Variants in GPR55 observed in about 807,000 individuals in gnomAD.
GPR55 encodes the protein G protein-coupled receptor 55.
Under a neutral mutation model 7.9 loss-of-function variants are expected in GPR55, and 6 were observed. The observed-to-expected ratio is 0.76, with a 90% CI of 0.41 to 1.49. The LOEUF is 1.49. Among genes scored for constraint, GPR55 ranks in the 40% most tolerant of loss-of-function variants. The pLI, the probability that GPR55 is intolerant of heterozygous loss-of-function variation, is 0.01. For missense variants in GPR55, 376 were observed against 406.0 expected (o/e 0.93, Z 0.63); for synonymous variants, 183 against 166.8 (o/e 1.10, Z -0.75).
chr2:230,947,810 C>G (rs1403549696), intron 1 of GPR55, among the ~76,000 whole-genome samples: 2 of 152,104 alleles, frequency 1.3e-5, no homozygotes, highest in Admixed American at 6.5e-5. Context: ...CCTTTTAGTG[C>G]TATTTTTTAA....
In GPR55 at chr2:230,910,890, C is replaced by T. The variant is rs969610267; in HGVS notation, c.73G>A (p.Ala25Thr). Residue 25 changes from alanine to threonine, a missense_variant, in exon 2 of 2, where the codon GCA becomes ACA. Physicochemically the swap from Ala to Thr is moderately conservative, Grantham distance 58. Transcript: ENST00000650999. This position sits in a 1 kb window ranked among gnomAD's most constrained non-coding sequence, Gnocchi z 5.4. ...VNELMKTLQFAVHIPTFVLGL... is the reference protein window; with the variant it reads ...VNELMKTLQFTVHIPTFVLGL... ...AGGACGAAGGTGGGGATGTGGACTG[C>T]AAACTGTAGGGTTTTCATCAGCTCG... 16 of 1,614,064 alleles carry T rather than the reference C, an allele frequency of 9.9e-6. No individual in the cohort carries two copies. Among genetic ancestry groups the T allele is most frequent in the East Asian group, 2.2e-5 (1 of 44,870 alleles).
chr2:230,958,896 T>C lies in GPR55; in HGVS notation c.-135+1879A>G, dbSNP rs1195785895. 1.3e-5 allele frequency among the ~76,000 whole-genome samples: 2 copies of C among 152,216 alleles called. 1 individual carries two copies. The highest frequency in any genetic ancestry group is 4.8e-5 in the African/African-American group (2 of 41,448). ...GATAATCTATTTCTATCATTCTTTC[T>C]ATCTTTATTAGCCGGCATTCTTCCA... On this transcript the variant is annotated intron_variant, in intron 1 of 1. Coordinates refer to the GPR55 transcript ENST00000392039.
At position 230,953,872 on chromosome 2, in the gene GPR55, G is replaced by A. The variant is rs7585002; in HGVS notation, c.-135+6903C>T. The stretch of plus-strand genomic sequence containing the variant: ...CATGAGTAGGTGTGAGTCTGCACAC[G>A]GCCAGGAGATGAAGGCTGGCAGTCC... On this transcript the variant is annotated intron_variant, in intron 1 of 1. Transcript: ENST00000392039. Among the ~76,000 whole-genome samples the A allele has an allele frequency of 7.2e-3, 1,091 of 152,242 alleles. 16 individuals are homozygous for A. Among genetic ancestry groups the A allele is most frequent in the African/African-American group, 0.025 (1,043 of 41,538 alleles).
At chr2:230,940,339 A>G (rs972392071) in intron 1 of GPR55, among the ~76,000 whole-genome samples, 1 of 152,100 alleles carries the variant, frequency 6.6e-6, no homozygotes, top group African/African-American at 2.4e-5. Context: ...CGTTCTCTTC[A>G]TAATCATCTG....
At position 230,910,124 on chromosome 2, in the gene GPR55, T is replaced by C. The variant is rs138382837; in HGVS notation, c.839A>G (p.Asn280Ser). The C allele has an allele frequency of 1.9e-6, 3 of 1,614,138 alleles. No individual in the cohort carries two copies. The East Asian group carries it at 6.7e-5, about 36-fold the overall frequency. ...GTAGCAGAAAACATCCAGGCAGCAG[T>C]TGACGTTGGAGAAACACATGGACAA... Reference protein sequence around the residue: ...LQLSMCFSNVNCCLDVFCYYF... With the variant: ...LQLSMCFSNVSCCLDVFCYYF... Residue 280 changes from asparagine to serine, a missense_variant, in exon 2 of 2, where the codon AAC becomes AGC. Transcript: ENST00000650999. The surrounding 1 kb of genome is among the most constrained non-coding windows in gnomAD (Gnocchi z 5.4).
At chr2:230,956,070 A>T (rs1024244249) in intron 1 of GPR55, among the ~76,000 whole-genome samples, 6 of 152,170 alleles carry the variant, frequency 3.9e-5, no homozygotes, top group Non-Finnish European at 8.8e-5. Context: ...TCTCCTTAGG[A>T]GAATCCCAAT....
intron 1 of GPR55, among the ~76,000 whole-genome samples, chr2:230,914,181 G>A (rs1351270469): frequency 1.3e-5 from 2 of 152,198 alleles, no homozygotes; most frequent in Non-Finnish European, 2.9e-5. Context: ...GGGAACAAAC[G>A]AATAACAACG....
In GPR55 at chr2:230,960,399, G is replaced by A. The variant is rs139746531; in HGVS notation, c.-135+376C>T. ...AAAGGGAAGGCAGAATCATAGACCT[G>A]AAAGCCAGTACTCTGAGTTTTTATG... On this transcript the variant is annotated intron_variant, in intron 1 of 1. Transcript: ENST00000392039. 3.6e-3 allele frequency among the ~76,000 whole-genome samples: 548 copies of A among 152,258 alleles called. 1 individual carries two copies. Among genetic ancestry groups the A allele is most frequent in the African/African-American group, 0.013 (525 of 41,548 alleles).
In GPR55 at chr2:230,910,091, A is replaced by T. The variant is rs771208284; in HGVS notation, c.872T>A (p.Val291Asp). The T allele has an allele frequency of 6.2e-7, 1 of 1,614,162 alleles. No individual in the cohort carries two copies. The highest frequency in any genetic ancestry group is 8.5e-7 in the Non-Finnish European group (1 of 1,179,996). The part of the protein sequence containing the change: ...CCLDVFCYYF[V>D]IKEFRMNIRA... ...GATGTTCATGCGGAATTCTTTGATG[A>T]CAAAGTAGTAGCAGAAAACATCCAG... Residue 291 changes from valine (V) to aspartate (D), a missense_variant, in exon 2 of 2, where the codon GTC becomes GAC. Transcript: ENST00000650999. The surrounding 1 kb of genome is among the most constrained non-coding windows in gnomAD (Gnocchi z 5.4).
intron 1 of GPR55, among the ~76,000 whole-genome samples, chr2:230,922,658 C>T (rs1395953960): frequency 1.3e-5 from 2 of 151,658 alleles, no homozygotes; most frequent in Non-Finnish European, 2.9e-5. Flanking sequence ...TCACTGCAAC[C>T]TCTGCCTCCC....
chr2:230,935,173 C>T (rs928152260), intron 1 of GPR55, among the ~76,000 whole-genome samples: 4 of 152,084 alleles, frequency 2.6e-5, no homozygotes, highest in Non-Finnish European at 4.4e-5. Context: ...AGGCTCCTGG[C>T]GCTGTGGTCA....
At chr2:230,911,122 C>T (rs1433401598) in intron 1 of GPR55, 26 bp from the exon 2 acceptor site, 1 of 699,136 alleles carries the variant, frequency 1.4e-6, no homozygotes, top group Admixed American at 2.9e-5. Context: ...GAAAAATTAC[C>T]TTTAATCCTG....
At chr2:230,916,478 C>G (rs181540236) in intron 1 of GPR55, among the ~76,000 whole-genome samples, 1 of 151,674 alleles carries the variant, frequency 6.6e-6, no homozygotes, top group Admixed American at 6.5e-5. Context: ...GAGCCATGAT[C>G]GTGCCACTGC....
intron 1 of GPR55, among the ~76,000 whole-genome samples, chr2:230,921,479 C>G (rs1001016794): frequency 4.6e-5 from 7 of 152,194 alleles, no homozygotes; most frequent in Non-Finnish European, 1.0e-4. Context: ...GTTTGTTGGT[C>G]CTGACCACTT....
chr2:230,921,862 C>T (rs772364467), intron 1 of GPR55, among the ~76,000 whole-genome samples: 4 of 152,214 alleles, frequency 2.6e-5, no homozygotes, highest in Non-Finnish European at 4.4e-5. Flanking sequence ...CCTAGAGATG[C>T]TCCTAATCCC....
intron 1 of GPR55, among the ~76,000 whole-genome samples, chr2:230,918,483 G>A (rs554341275): frequency 8.5e-5 from 13 of 152,116 alleles, no homozygotes; most frequent in Non-Finnish European, 1.6e-4. Flanking sequence ...TCTTAAAATA[G>A]GCTCTAGCTT....
Position 230,910,735 on chromosome 2 carries a change from G to C in GPR55, c.228C>G (p.Ser76=). The change falls in exon 2 of 2, where the codon TCC becomes TCG. Residue 76 remains serine (S), a synonymous_variant. Transcript: ENST00000650999. This position sits in a 1 kb window ranked among gnomAD's most constrained non-coding sequence, Gnocchi z 5.4. ...LAVFDLLLVL[S]LPFKMVLSQV... is the part of the protein sequence containing the mutation. ...GGGACAGGACCATCTTGAATGGGAG[G>C]GAGAGCACCAGCAGCAGGTCAAAGA... 6.2e-7 allele frequency: 1 copy of C among 1,614,096 alleles called. No individual in the cohort carries two copies. Among genetic ancestry groups the C allele is most frequent in the Non-Finnish European group, 8.5e-7 (1 of 1,179,950 alleles).
rs1026873935 is a variant in GPR55 at position 230,924,149 on chromosome 2, C to T, written c.-135+1019G>A. ...GTCCCTTTCACCTTTATCACCGAGCCTCACATACAGTTTGTCGTTGGGAAG... is the reference window on the plus strand; with the variant it reads ...GTCCCTTTCACCTTTATCACCGAGCTTCACATACAGTTTGTCGTTGGGAAG... On this transcript the variant is annotated intron_variant, in intron 1 of 1. Coordinates refer to ENST00000650999, the MANE Select transcript of GPR55 (RefSeq NM_005683.4). This position sits in a 1 kb window ranked among gnomAD's most constrained non-coding sequence, Gnocchi z 4.5. Among the ~76,000 whole-genome samples the T allele has an allele frequency of 6.6e-6, 1 of 152,130 alleles. No homozygotes were observed. Among genetic ancestry groups the T allele is most frequent in the East Asian group, 1.9e-4 (1 of 5,196 alleles).
intron 1 of GPR55, among the ~76,000 whole-genome samples, chr2:230,932,035 C>T (rs554626567): frequency 1.3e-5 from 2 of 152,268 alleles, no homozygotes; most frequent in Admixed American, 6.5e-5. Context: ...CCTCACCATC[C>T]CCAGACAGCC....
Sources: gnomAD v4.1 joint callset for allele counts (sites outside exome capture counted in the v4.1 genomes callset) on GRCh38, gnomAD v4.1.1 for gene constraint, Gnocchi (gnomAD v3.1) non-coding constraint, MANE v1.5 for transcripts, NCBI Gene and HGNC (gene_info 2026-07-23, HGNC 2026-07-21) for gene names.